SULT1A1: variants seen among roughly 807,000 people sequenced by gnomAD.
SULT1A1 encodes the protein sulfotransferase 1A1.
Under a neutral mutation model 36.8 loss-of-function variants are expected in SULT1A1, and 35 were observed. The observed-to-expected ratio is 0.95, with a 90% CI of 0.73 to 1.26. SULT1A1 has a LOEUF of 1.26. SULT1A1 is among the 50% of genes most tolerant of loss of function. The pLI, the probability that SULT1A1 is intolerant of heterozygous loss-of-function variation, is 0.00. For synonymous variants in SULT1A1, 119 were observed against 146.0 expected (o/e 0.82, Z 1.33); for missense variants, 309 against 383.0 (o/e 0.81, Z 1.61).
intron 1 of SULT1A1, chr16:28,609,369 A>G (rs1424345546): frequency 1.5e-6 from 2 of 1,290,394 alleles, no homozygotes; most frequent in Non-Finnish European, 2.0e-6. Flanking sequence ...TTGCCTGGCC[A>G]CAGTCCATCT....
chr16:28,619,844 C>CAT (rs1254219725), intron 2 of SULT1A1, among the ~76,000 whole-genome samples: 1 of 151,172 alleles, frequency 6.6e-6, no homozygotes, highest in Non-Finnish European at 1.5e-5. Flanking sequence ...AAAATACATA[C>CAT]ATATATGTGT....
chr16:28,606,047 A>G lies in SULT1A1; in HGVS notation c.775+9T>C, dbSNP rs34823028. On this transcript the variant is annotated intron_variant, in intron 7 of 7. Coordinates refer to ENST00000314752, the MANE Select transcript of SULT1A1 (RefSeq NM_001055.4). The stretch of plus-strand genomic sequence containing the variant: ...CCCGCCCCAAACCCCCGTGCTGGCC[A>G]GCACCCACCTTTCCTCATGAAGGGG... 3.4e-3 allele frequency: 3,582 copies of G among 1,051,276 alleles called. 109 individuals are homozygous for G. Among genetic ancestry groups the G allele is most frequent in the Non-Finnish European group, 4.6e-3 (3,294 of 715,786 alleles). The allele number at this position is 1,051,276 out of a possible 1,614,324, so 65.1% of individuals were successfully genotyped here. A position where few individuals can be genotyped will look rare whatever the true frequency, so the allele number is the denominator to read the frequency against.
chr16:28,622,463 C>T (rs1474575945), intron 1 of SULT1A1, among the ~76,000 whole-genome samples: 2 of 152,124 alleles, frequency 1.3e-5, no homozygotes, highest in Non-Finnish European at 1.5e-5. Flanking sequence ...GGTATATAGT[C>T]CTCTATGGCA....
In SULT1A1 at chr16:28,609,105, T is replaced by C. The variant is rs886448360; in HGVS notation, c.-4-246A>G. 1.2e-4 allele frequency: 175 copies of C among 1,434,668 alleles called. 1 individual carries two copies. Among genetic ancestry groups the C allele is most frequent in the Non-Finnish European group, 1.5e-4 (163 of 1,089,444 alleles). 88.9% of individuals were successfully genotyped at this position (1,434,668 alleles called of 1,614,324 possible). On this transcript the variant is annotated intron_variant, in intron 1 of 7. Coordinates refer to ENST00000314752, the MANE Select transcript of SULT1A1 (RefSeq NM_001055.4). ...GTTCAAAATCCCAGGGCCTGGGCCA[T>C]GGTGCAGACCAGTGAAAGCACCCTC...
chr16:28,621,804 A>C (rs993995955), intron 1 of SULT1A1, among the ~76,000 whole-genome samples: 4 of 152,064 alleles, frequency 2.6e-5, no homozygotes, highest in African/African-American at 9.7e-5. Context: ...CTTCAAGGCT[A>C]TAGAAATTGC....
intron 6 of SULT1A1, 113 bp from the exon 7 acceptor site, chr16:28,606,349 G>A (rs2047185407): frequency 6.4e-7 from 1 of 1,558,676 alleles, no homozygotes; most frequent in Admixed American, 1.9e-5. Context: ...TAGAAACCCT[G>A]CAGAGCCAAC....
At chr16:28,618,684 G>C (rs2047594450) in intron 2 of SULT1A1, among the ~76,000 whole-genome samples, 1 of 152,040 alleles carries the variant, frequency 6.6e-6, no homozygotes, top group South Asian at 2.1e-4. Flanking sequence ...TTTGTGCCGA[G>C]CAAACAGTAA....
rs140570781 is a variant in SULT1A1 at position 28,606,150 on chromosome 16, C to T, written c.681G>A (p.Thr227=). The change falls in exon 7 of 8, where the codon ACG becomes ACA. Residue 227 remains threonine, a synonymous_variant. Coordinates refer to ENST00000314752, the MANE Select transcript of SULT1A1 (RefSeq NM_001055.4). The stretch of plus-strand genomic sequence containing the variant: ...GGTTCTTCTTCATCTCCTTGAACGA[C>T]GTGTGCTGAACCACGAAGTCCACGG... ...EETVDFVVQH[T]SFKEMKKNPM... The T allele has an allele frequency of 6.2e-6, 10 of 1,611,444 alleles. No homozygotes were observed. Among genetic ancestry groups the T allele is most frequent in the Non-Finnish European group, 7.6e-6 (9 of 1,178,190 alleles).
rs183324105 is a variant in SULT1A1, at chr16:28,606,457, C to G, written c.595-221G>C. 8.0e-4 allele frequency among the ~76,000 whole-genome samples: 122 copies of G among 151,944 alleles called. 2 individuals carry two copies. Among genetic ancestry groups the G allele is most frequent in the Admixed American group, 7.6e-3 (116 of 15,224 alleles). ...GGGCTTGGCTCCTATGGGTGAGGAC[C>G]GTGATGGTCTTCTTCTGTGACTGTG... On this transcript the variant is annotated intron_variant, in intron 6 of 7. Coordinates refer to ENST00000314752, the MANE Select transcript of SULT1A1 (RefSeq NM_001055.4).
upstream of SULT1A1, chr16:28,610,264 GTTTTTT>G (rs538720119): frequency 0.015 from 5,355 of 347,640 alleles, 6 homozygotes; most frequent in East Asian, 0.03. Context: ...TTTTTTTTCT[GTTTTTT>G]TTTTTTTTTT....
Position 28,607,045 on chromosome 16 carries a change from C to G in SULT1A1, c.405G>C (p.Val135=), listed in dbSNP as rs2047228938. 1 of 1,612,412 alleles carries G rather than the reference C, an allele frequency of 6.2e-7. No homozygotes were observed. Among genetic ancestry groups the G allele is most frequent in the Non-Finnish European group, 8.5e-7 (1 of 1,178,736 alleles). ...VVYVARNAKD[V]AVSYYHFYHM... is the part of the protein sequence containing the mutation. ...GGTAGAAGTGGTAGTAGGAAACTGC[C>G]ACATCCTTTGCGTTGCGGGCAACAT... The change falls in exon 5 of 8, where the codon GTG becomes GTC. Residue 135 remains valine (V), a synonymous_variant. Coordinates refer to ENST00000314752, the MANE Select transcript of SULT1A1 (RefSeq NM_001055.4).
At chr16:28,606,919 C>T (rs1222536672) in intron 5 of SULT1A1, 32 bp downstream of exon 5, 1 of 1,612,470 alleles carries the variant, frequency 6.2e-7, no homozygotes, top group African/African-American at 1.3e-5. Flanking sequence ...CACCCCTTAG[C>T]TCCACACTTT....
At chr16:28,617,754 A>G (rs2047573894) in intron 2 of SULT1A1, among the ~76,000 whole-genome samples, 1 of 151,914 alleles carries the variant, frequency 6.6e-6, no homozygotes, top group African/African-American at 2.4e-5. Flanking sequence ...GTTGGCCAGG[A>G]TGGTCTCAAT....
At chr16:28,617,534 T>G (rs1322687241) in intron 2 of SULT1A1, among the ~76,000 whole-genome samples, 2 of 152,032 alleles carry the variant, frequency 1.3e-5, no homozygotes, top group African/African-American at 2.4e-5. Context: ...AGACAGTTTC[T>G]TTTCTTTTCT....
At chr16:28,618,490 C>T (rs2047590039) in intron 2 of SULT1A1, among the ~76,000 whole-genome samples, 1 of 151,812 alleles carries the variant, frequency 6.6e-6, no homozygotes, top group Non-Finnish European at 1.5e-5. Flanking sequence ...GAACTACAGG[C>T]TCGTACCACC....
intron 2 of SULT1A1, among the ~76,000 whole-genome samples, chr16:28,615,949 G>A (rs2047536348): frequency 6.6e-6 from 1 of 152,230 alleles, no homozygotes; most frequent in Non-Finnish European, 1.5e-5. Flanking sequence ...GCAGAGTCAG[G>A]TGTACAGGAT....
In SULT1A1 at chr16:28,605,695, G is replaced by T; in HGVS notation, c.*126C>A. The T allele has an allele frequency of 6.7e-7, 1 of 1,499,962 alleles. No homozygotes were observed. Among genetic ancestry groups the T allele is most frequent in the Non-Finnish European group, 9.1e-7 (1 of 1,097,196 alleles). The allele number at this position is 1,499,962 out of a possible 1,614,324, so 92.9% of individuals were successfully genotyped here. ...GGGCTCAAATGATCCTCCCACCTCA[G>T]CCTCCAAATTGCTGGGATTACAGAC... On this transcript the variant is annotated 3_prime_UTR_variant, in exon 8 of 8. Coordinates refer to ENST00000314752, the MANE Select transcript of SULT1A1 (RefSeq NM_001055.4).
At chr16:28,615,834 G>A (rs879034666) in intron 2 of SULT1A1, among the ~76,000 whole-genome samples, 1 of 152,244 alleles carries the variant, frequency 6.6e-6, no homozygotes, top group African/African-American at 2.4e-5. Context: ...CCTGGCAGCC[G>A]AGGCAGAGAG....
intron 2 of SULT1A1, among the ~76,000 whole-genome samples, chr16:28,616,824 GT>G (rs1462524535): frequency 2.6e-5 from 4 of 152,124 alleles, no homozygotes; most frequent in Non-Finnish European, 5.9e-5. Context: ...TCAGCTCCGG[GT>G]GTTCAACAGT....
Sources: allele counts gnomAD v4.1 joint callset (sites outside exome capture counted in the v4.1 genomes callset), GRCh38; gene constraint gnomAD v4.1.1; transcripts MANE v1.5; gene names NCBI Gene and HGNC (gene_info 2026-07-23, HGNC 2026-07-21).